Variants in FXYD6 observed in about 807,000 individuals in gnomAD.
FXYD6 encodes FXYD domain-containing ion transport regulator 6.
A neutral mutation model predicts 16.7 loss-of-function variants in FXYD6; 7 were observed. The observed-to-expected ratio is 0.42, with a 90% CI of 0.24 to 0.79. The LOEUF (loss-of-function observed/expected upper bound fraction) is 0.79. Among genes scored for constraint, FXYD6 ranks in the 30% least tolerant of loss-of-function variants. The pLI is 0.28. For synonymous variants in FXYD6, 49 were observed against 43.0 expected, an observed-to-expected ratio of 1.14 and a Z score of -0.54; for missense variants, 111 against 116.2, an observed-to-expected ratio of 0.95 and a Z score of 0.21.
intron 1 of FXYD6, among the ~76,000 whole-genome samples, chr11:117,860,979 T>C (rs556351605): frequency 3.3e-4 from 51 of 152,310 alleles, no homozygotes; most frequent in African/African-American, 1.1e-3. Flanking sequence ...CCAAGCAACC[T>C]GGCTCCAGGG....
rs1180795412 is a variant in FXYD6, at chr11:117,837,381, A to C, written c.*918T>G. On this transcript the variant is annotated 3_prime_UTR_variant, in exon 8 of 8. Coordinates refer to ENST00000526014, the MANE Select transcript of FXYD6 (RefSeq NM_022003.4). This position sits in a 1 kb window ranked among gnomAD's most constrained non-coding sequence, Gnocchi z 4.4. ...TATTGCCTGCCAGAGACCCAATTGC[A>C]GGGACTGTAGTCTGCATCTGGATGA... The C allele has an allele frequency of 6.6e-6, 1 of 152,654 alleles. No homozygotes were observed. The highest frequency in any genetic ancestry group is 2.4e-5 in the African/African-American group (1 of 41,442). The allele number at this position is 152,654 out of a possible 1,614,324, so 9.5% of individuals were successfully genotyped here. A position where few individuals can be genotyped will look rare whatever the true frequency, so the allele number is the denominator to read the frequency against.
rs1407860364 is a variant in FXYD6, at chr11:117,838,376, C to T, written c.*22-99G>A. On this transcript the variant is annotated intron_variant, in intron 7 of 7. Transcript: ENST00000526014. ...TTGAGCACCTGCCCACTGAAATTCCCGGTATGACAGCCTCGTCTGAGACGC... is the reference window on the plus strand; with the variant it reads ...TTGAGCACCTGCCCACTGAAATTCCTGGTATGACAGCCTCGTCTGAGACGC... 1.2e-5 allele frequency: 8 copies of T among 694,408 alleles called. 1 individual carries two copies. Among genetic ancestry groups the T allele is most frequent in the South Asian group, 7.5e-5 (5 of 67,050 alleles). 43.0% of individuals were successfully genotyped at this position (694,408 alleles called of 1,614,324 possible).
At position 117,838,026 on chromosome 11, in the gene FXYD6, A is replaced by G; in HGVS notation, c.*273T>C. On this transcript the variant is annotated 3_prime_UTR_variant, in exon 8 of 8. Coordinates refer to ENST00000526014, the MANE Select transcript of FXYD6 (RefSeq NM_022003.4). ...ACAAGTAGCCACAAAGACCACAGTT[A>G]GCAAACACACACAGTCACACACACA... 1 of 609,076 alleles carries G rather than the reference A, an allele frequency of 1.6e-6. No homozygotes were observed. The highest frequency in any genetic ancestry group is 2.9e-6 in the Non-Finnish European group (1 of 340,544). The allele number at this position is 609,076 out of a possible 1,614,324, so 37.7% of individuals were successfully genotyped here. A position where few individuals can be genotyped will look rare whatever the true frequency, so the allele number is the denominator to read the frequency against.
At chr11:117,839,571 A>G (rs551133796) in intron 7 of FXYD6, 5 of 542,470 alleles carry the variant, frequency 9.2e-6, no homozygotes, top group Non-Finnish European at 1.6e-5. Flanking sequence ...TGGTGTTGGC[A>G]TGCATGTGTG....
At chr11:117,856,389 C>T (rs2056726259) in intron 1 of FXYD6, among the ~76,000 whole-genome samples, 1 of 152,150 alleles carries the variant, frequency 6.6e-6, no homozygotes, top group Admixed American at 6.5e-5. Context: ...CTCATCCCTC[C>T]CTCCCCCTGC....
chr11:117,858,777 C>CTTCCT (rs1356939879), intron 1 of FXYD6, among the ~76,000 whole-genome samples: 5 of 75,394 alleles, frequency 6.6e-5, no homozygotes, highest in African/African-American at 2.3e-4. Context: ...TCCTTCCTTC[C>CTTCCT]TTCTTTCTTT....
intron 1 of FXYD6, among the ~76,000 whole-genome samples, chr11:117,873,914 G>T (rs1017710929): frequency 3.9e-5 from 6 of 152,172 alleles, no homozygotes; most frequent in Non-Finnish European, 7.3e-5. Context: ...CACTTTGGAA[G>T]GGCGTCCCAG....
At position 117,858,735 on chromosome 11, in the gene FXYD6, T is replaced by TC. The variant is rs1565324007; in HGVS notation, c.-5-15955dup. Among the ~76,000 whole-genome samples, 319 of 101,634 alleles carry TC rather than the reference T, an allele frequency of 3.1e-3. 15 individuals are homozygous for TC. The highest frequency in any genetic ancestry group is 7.9e-3 in the African/African-American group (194 of 24,432). The allele number at this position is 101,634 out of a possible 152,430, so 66.7% of individuals were successfully genotyped here. ...TCTCTCCTTCCTTCCCTTCCTTCCT[T>TC]CCTTCCTTCCTTCCTTCCTTCCTTC... On this transcript the variant is annotated intron_variant, in intron 1 of 7. Transcript: ENST00000526014.
Position 117,837,585 on chromosome 11 carries a change from C to G in FXYD6, c.*714G>C, listed in dbSNP as rs141465687. ...AGGGGCGGGGCAGATGGGGACTCCT[C>G]GTGGAAGCCCCTGGGAAGAAATTAA... On this transcript the variant is annotated 3_prime_UTR_variant, in exon 8 of 8. Coordinates refer to ENST00000526014, the MANE Select transcript of FXYD6 (RefSeq NM_022003.4). This position sits in a 1 kb window ranked among gnomAD's most constrained non-coding sequence, Gnocchi z 4.4. 6.5e-6 allele frequency: 1 copy of G among 152,880 alleles called. No individual in the cohort carries two copies. The highest frequency in any genetic ancestry group is 1.5e-5 in the Non-Finnish European group (1 of 68,500). The allele number at this position is 152,880 out of a possible 1,614,324, so 9.5% of individuals were successfully genotyped here. A position where few individuals can be genotyped will look rare whatever the true frequency, so the allele number is the denominator to read the frequency against.
rs762560468 is a variant in FXYD6 at position 117,840,282 on chromosome 11, C to T, written c.259+37G>A. ...AGCCACAGAGGGGTCTCTCTGTTCC[C>T]TCTTTTCCACCTGGGCAGGTGGTCA... On this transcript the variant is annotated intron_variant, in intron 6 of 7. Transcript: ENST00000526014. 3.0e-5 allele frequency: 48 copies of T among 1,613,984 alleles called. No individual in the cohort carries two copies. In the African/African-American group the frequency reaches 4.7e-4, roughly 16 times the overall value.
At position 117,839,842 on chromosome 11, in the gene FXYD6, AC is replaced by A. The variant is rs763221023; in HGVS notation, c.260-13del. On this transcript the variant is annotated splice_polypyrimidine_tract_variant and intron_variant, in intron 6 of 7. Coordinates refer to ENST00000526014, the MANE Select transcript of FXYD6 (RefSeq NM_022003.4). ...CTGGGGCTCTGTTGCTGGAAAGAAA[AC>A]CAGAATGGATTATAGTGTATAGACT... The A allele has an allele frequency of 2.5e-6, 4 of 1,613,986 alleles. No homozygotes were observed. In the African/African-American group the frequency reaches 4.0e-5, roughly 16 times the overall value.
At chr11:117,846,526 T>C (rs1475062711) in intron 1 of FXYD6, among the ~76,000 whole-genome samples, 1 of 152,244 alleles carries the variant, frequency 6.6e-6, no homozygotes, top group Admixed American at 6.5e-5. Context: ...CTATTTGACA[T>C]CTGAAACTGA....
chr11:117,844,197 A>T (rs1412957828), intron 1 of FXYD6: 1 of 152,494 alleles, frequency 6.6e-6, no homozygotes, highest in Admixed American at 6.5e-5. Flanking sequence ...AGCCACGTCA[A>T]GGCCCAAACC....
At chr11:117,861,350 TAGCTGACAGGTACAG>T (rs2056902853) in intron 1 of FXYD6, among the ~76,000 whole-genome samples, 1 of 152,118 alleles carries the variant, frequency 6.6e-6, no homozygotes, top group South Asian at 2.1e-4. Flanking sequence ...AGTCGGCCAA[TAGCTGACAGGTACAG>T]AGCTGGCAGG....
At chr11:117,869,084 C>A (rs1478639713) in intron 1 of FXYD6, 2 of 152,152 alleles carry the variant, frequency 1.3e-5, no homozygotes, top group Non-Finnish European at 2.9e-5. Flanking sequence ...TTTAAATGCC[C>A]ATCAAATAAA....
chr11:117,848,536 G>C (rs1335012843), intron 1 of FXYD6, among the ~76,000 whole-genome samples: 1 of 152,098 alleles, frequency 6.6e-6, no homozygotes. Flanking sequence ...GGGGATGGCA[G>C]TACTGGCCTC....
At position 117,842,795 on chromosome 11, in the gene FXYD6, G is replaced by A; in HGVS notation, c.-5-14C>T. 6.4e-7 allele frequency: 1 copy of A among 1,555,266 alleles called. No homozygotes were observed. Among genetic ancestry groups the A allele is most frequent in the Admixed American group, 2.0e-5 (1 of 51,276 alleles). On this transcript the variant is annotated splice_polypyrimidine_tract_variant and intron_variant, in intron 1 of 7. Transcript: ENST00000526014. ...ACTCCATGGCGTCTGGGGACAGAGGGAGGAAAAAATGATTCTCTGGCTAAG... is the reference window on the plus strand; with the variant it reads ...ACTCCATGGCGTCTGGGGACAGAGGAAGGAAAAAATGATTCTCTGGCTAAG...
intron 1 of FXYD6, among the ~76,000 whole-genome samples, chr11:117,852,793 G>C (rs935042697): frequency 1.3e-5 from 2 of 152,096 alleles, no homozygotes; most frequent in African/African-American, 4.8e-5. Context: ...TCTCCATATC[G>C]CTTAACTGCT....
At chr11:117,847,764 T>G (rs1016957528) in intron 1 of FXYD6, among the ~76,000 whole-genome samples, 1 of 152,314 alleles carries the variant, frequency 6.6e-6, no homozygotes, top group South Asian at 2.1e-4. Flanking sequence ...CAGTCTATCA[T>G]TGTTGGATAT....
Sources: allele counts gnomAD v4.1 joint callset (sites outside exome capture counted in the v4.1 genomes callset), GRCh38; gene constraint gnomAD v4.1.1; non-coding constraint Gnocchi (gnomAD v3.1); transcripts MANE v1.5; gene names NCBI Gene and HGNC (gene_info 2026-07-23, HGNC 2026-07-21).